DAPK1: variants seen among roughly 807,000 people sequenced by gnomAD.
DAPK1 encodes death associated protein kinase 1, also known as death-associated protein kinase 1.
A neutral mutation model predicts 144.9 loss-of-function variants in DAPK1; 56 were observed. The ratio of observed to expected loss-of-function variants is 0.39; its 90% CI spans 0.31 to 0.48. The LOEUF (loss-of-function observed/expected upper bound fraction) is 0.48. DAPK1 is among the 20% of genes least tolerant of loss of function. The pLI, the probability that DAPK1 is intolerant of heterozygous loss-of-function variation, is 0.95. For missense variants in DAPK1, 1,454 were observed against 1,875.4 expected, an observed-to-expected ratio of 0.78 and a Z score of 4.15; for synonymous variants, 690 against 749.0, an observed-to-expected ratio of 0.92 and a Z score of 1.29.
At chr9:87,605,581 TC>T (rs933024531) in intron 3 of DAPK1, among the ~76,000 whole-genome samples, 41 of 151,952 alleles carry the variant, frequency 2.7e-4, no homozygotes, top group African/African-American at 9.7e-4. Flanking sequence ...CTTTATCTCT[TC>T]CCCCATCTCT....
rs1224537079 is a variant in DAPK1 at position 87,650,080 on chromosome 9, C to G, written c.1588C>G (p.Leu530Val). 3 of 1,614,166 alleles carry G rather than the reference C, an allele frequency of 1.9e-6. No individual in the cohort carries two copies. In the South Asian group the frequency reaches 3.3e-5, roughly 18 times the overall value. The change falls in exon 16 of 26, where the codon CTG (leucine) becomes GTG (valine). Residue 530 changes from leucine (L) to valine (V), a missense_variant. This residue lies in a region of DAPK1 where 1,025 missense variants were observed against 1,237.9 expected (regional missense o/e 0.83). Coordinates refer to ENST00000408954, the MANE Select transcript of DAPK1 (RefSeq NM_004938.4). ...ARGYHDIVEC[L>V]AEHGADLNAC... is the part of the protein sequence containing the mutation. Reference sequence around the variant, plus strand: ...GGGCTACCACGACATCGTGGAGTGTCTGGCCGAACATGGAGCCGACCTTAA... The same window carrying G: ...GGGCTACCACGACATCGTGGAGTGTGTGGCCGAACATGGAGCCGACCTTAA...
intron 19 of DAPK1, among the ~76,000 whole-genome samples, chr9:87,672,648 G>A (rs1362193160): frequency 6.6e-6 from 1 of 152,180 alleles, no homozygotes; most frequent in African/African-American, 2.4e-5. Context: ...GTGGGCTCTT[G>A]ACGTTAGCCC....
chr9:87,630,407 A>G (rs1255080128), intron 3 of DAPK1, among the ~76,000 whole-genome samples: 1 of 152,214 alleles, frequency 6.6e-6, no homozygotes, highest in Non-Finnish European at 1.5e-5. Flanking sequence ...AGTCTCATGC[A>G]GATAGGGTAG....
rs145404300 is a variant in DAPK1, at chr9:87,670,839, A to G, written c.2001+2165A>G. 1.6e-3 allele frequency among the ~76,000 whole-genome samples: 239 copies of G among 152,310 alleles called. 1 individual carries two copies. The highest frequency in any genetic ancestry group is 3.4e-3 in the Middle Eastern group (1 of 294). On this transcript the variant is annotated intron_variant, in intron 19 of 25. Transcript: ENST00000408954. ...CTCAGCTGCAGCAAGGTGACCTGCAACACCCTGTCAGGTCACTCGGGAAAC... is the reference window on the plus strand; with the variant it reads ...CTCAGCTGCAGCAAGGTGACCTGCAGCACCCTGTCAGGTCACTCGGGAAAC...
intron 2 of DAPK1, among the ~76,000 whole-genome samples, chr9:87,571,476 A>ACCCCCCAAC (rs771023885): frequency 6.2e-5 from 3 of 48,558 alleles, no homozygotes; most frequent in Admixed American, 2.4e-4. Context: ...CACACACACC[A>ACCCCCCAAC]ACACACACAC....
chr9:87,694,080 G>C (rs1389441222), intron 21 of DAPK1, among the ~76,000 whole-genome samples: 2 of 152,168 alleles, frequency 1.3e-5, no homozygotes, highest in African/African-American at 4.8e-5. Context: ...GGTAGTAGTA[G>C]CAGTGGGCCA....
At chr9:87,511,527 T>A (rs1035020731) in intron 2 of DAPK1, among the ~76,000 whole-genome samples, 5 of 152,204 alleles carry the variant, frequency 3.3e-5, no homozygotes, top group African/African-American at 1.2e-4. Flanking sequence ...AGGAGTTAGC[T>A]GCTCAGCAAG....
chr9:87,668,409 T>C (rs933423199), intron 18 of DAPK1, 188 bp from the exon 19 acceptor site: 2 of 612,010 alleles, frequency 3.3e-6, no homozygotes, highest in Non-Finnish European at 5.9e-6. Flanking sequence ...TACCTTCCTG[T>C]CCTGGACAAT....
chr9:87,540,462 GTTACCGGCATGAGC>G, intron 2 of DAPK1, among the ~76,000 whole-genome samples: 1 of 152,002 alleles, frequency 6.6e-6, no homozygotes, highest in Non-Finnish European at 1.5e-5. Context: ...AAGTGCTGAG[GTTACCGGCATGAGC>G]CGCCGTGCCT....
chr9:87,533,287 T>A (rs1157085578), intron 2 of DAPK1, among the ~76,000 whole-genome samples: 1 of 152,262 alleles, frequency 6.6e-6, no homozygotes, highest in Non-Finnish European at 1.5e-5. Flanking sequence ...CATTTACCAG[T>A]GCTTAGGCAC....
Position 87,498,059 on chromosome 9 carries a change from G to A in DAPK1, c.-157G>A, listed in dbSNP as rs1486396772. On this transcript the variant is annotated 5_prime_UTR_variant, in exon 1 of 26. Coordinates refer to ENST00000408954, the MANE Select transcript of DAPK1 (RefSeq NM_004938.4). ...GTCTCCGGCGCTGGCGCCTATGGTC[G>A]GCCTCCGACAGCGCTCCGGAGGGAC... The A allele has an allele frequency of 1.5e-5, 6 of 397,736 alleles. No individual in the cohort carries two copies. Among genetic ancestry groups the A allele is most frequent in the Non-Finnish European group, 2.2e-5 (5 of 225,652 alleles). The allele number at this position is 397,736 out of a possible 1,614,324, so 24.6% of individuals were successfully genotyped here.
intron 2 of DAPK1, among the ~76,000 whole-genome samples, chr9:87,531,631 T>C (rs181783525): frequency 1.0e-3 from 157 of 152,184 alleles, no homozygotes; most frequent in African/African-American, 3.5e-3. Flanking sequence ...GAAAAAACAG[T>C]CCTCTCCCCA....
At position 87,698,439 on chromosome 9, in the gene DAPK1, G is replaced by T. The variant is rs36218777; in HGVS notation, c.2612-217G>T. On this transcript the variant is annotated intron_variant, in intron 22 of 25. Coordinates refer to ENST00000408954, the MANE Select transcript of DAPK1 (RefSeq NM_004938.4). ...TGGTCCACTTTGAGCAATTTTCCTT[G>T]TGGCCTAGGAGATAGGCTTATCCTG... 1.1e-5 allele frequency: 5 copies of T among 451,968 alleles called. No homozygotes were observed. In the South Asian group the frequency reaches 2.3e-4, roughly 21 times the overall value. The allele number at this position is 451,968 out of a possible 1,614,324, so 28.0% of individuals were successfully genotyped here.
At chr9:87,626,275 C>T (rs1417898208) in intron 3 of DAPK1, among the ~76,000 whole-genome samples, 3 of 152,052 alleles carry the variant, frequency 2.0e-5, no homozygotes, top group Non-Finnish European at 2.9e-5. Flanking sequence ...ATTAGCTGGG[C>T]GTGGTGGTGC....
At chr9:87,553,256 G>C (rs974570508) in intron 2 of DAPK1, among the ~76,000 whole-genome samples, 1 of 151,302 alleles carries the variant, frequency 6.6e-6, no homozygotes, top group African/African-American at 2.4e-5. Context: ...GGGGGGTTGG[G>C]TGATTGGAAA....
At chr9:87,656,194 G>T (rs1014399024) in intron 17 of DAPK1, among the ~76,000 whole-genome samples, 4 of 152,184 alleles carry the variant, frequency 2.6e-5, no homozygotes, top group Non-Finnish European at 5.9e-5. Context: ...AAGCCAGTGT[G>T]TCTGCCGTGG....
At chr9:87,497,806 G>T (rs1322530927), upstream of DAPK1, 7 of 373,158 alleles carry the variant, frequency 1.9e-5, no homozygotes, top group Non-Finnish European at 3.3e-5. Flanking sequence ...CGCTTGCAGG[G>T]TCCCCATTGG....
chr9:87,664,821 G>T (rs779690875), intron 18 of DAPK1, among the ~76,000 whole-genome samples: 12 of 152,176 alleles, frequency 7.9e-5, no homozygotes, highest in Non-Finnish European at 1.5e-4. Flanking sequence ...TCAAATGGGG[G>T]CTTCCCCAAG....
intron 17 of DAPK1, among the ~76,000 whole-genome samples, chr9:87,652,427 C>T (rs1830482031): frequency 1.1e-5 from 1 of 93,382 alleles, no homozygotes; most frequent in Non-Finnish European, 2.2e-5. Context: ...ATTCTGTGTC[C>T]TCCCACCTGA....
Sources: allele counts gnomAD v4.1 joint callset (sites outside exome capture counted in the v4.1 genomes callset), GRCh38; gene constraint gnomAD v4.1.1; regional missense constraint gnomAD v4.1.1; transcripts MANE v1.5; gene names NCBI Gene and HGNC (gene_info 2026-07-23, HGNC 2026-07-21).